The following GABRG1 variants were observed in gnomAD, a reference collection of about 807,000 sequenced individuals.
GABRG1 encodes the protein gamma-aminobutyric acid receptor subunit gamma-1.
A neutral mutation model predicts 49.8 loss-of-function variants in GABRG1; 49 were observed. That is an observed-to-expected ratio of 0.98 (90% CI 0.78 to 1.25). The LOEUF is 1.25. Ranked by LOEUF, GABRG1 falls within the 50% of genes most tolerant of loss-of-function variation. GABRG1 has a pLI of 0.00. For missense variants in GABRG1, 552 were observed against 552.3 expected (o/e 1.00, Z 0.01); for synonymous variants, 232 against 185.1 (o/e 1.25, Z -2.06).
chr4:46,041,286 C>G, intron 8 of GABRG1, 32 bp from the exon 9 acceptor site: 3 of 1,596,876 alleles, frequency 1.9e-6, no homozygotes, highest in Non-Finnish European at 2.6e-6. Flanking sequence ...TTTTTGACAT[C>G]AAAAAAGTAG....
chr4:46,084,775 G>A (rs1028706520), intron 2 of GABRG1, among the ~76,000 whole-genome samples: 9 of 151,498 alleles, frequency 5.9e-5, no homozygotes, highest in Non-Finnish European at 1.2e-4. Context: ...AATTCCATTT[G>A]CTAGCCATCA....
intron 1 of GABRG1, among the ~76,000 whole-genome samples, chr4:46,097,796 A>G (rs1254875325): frequency 6.6e-6 from 1 of 151,734 alleles, no homozygotes; most frequent in Non-Finnish European, 1.5e-5. Flanking sequence ...ATGGATGTGT[A>G]GAAAAGAAGA....
intron 5 of GABRG1, among the ~76,000 whole-genome samples, chr4:46,063,158 GA>G (rs1284190325): frequency 1.3e-5 from 2 of 151,614 alleles, no homozygotes; most frequent in East Asian, 3.9e-4. Flanking sequence ...CACAGAATTG[GA>G]AAAAACTACT....
intron 3 of GABRG1, among the ~76,000 whole-genome samples, chr4:46,067,405 A>C (rs2109410665): frequency 6.6e-6 from 1 of 152,266 alleles, no homozygotes; most frequent in South Asian, 2.1e-4. Context: ...ATATACACTT[A>C]TAATTCTGAA....
chr4:46,083,593 A>T (rs1328991709), intron 3 of GABRG1, among the ~76,000 whole-genome samples: 2 of 151,634 alleles, frequency 1.3e-5, no homozygotes, highest in African/African-American at 4.8e-5. Flanking sequence ...CCCTGATCTT[A>T]TCAGGCTGTT....
intron 3 of GABRG1, among the ~76,000 whole-genome samples, chr4:46,067,770 C>T (rs111598075): frequency 2.0e-5 from 3 of 152,054 alleles, no homozygotes; most frequent in African/African-American, 4.8e-5. Context: ...TAAGGCAAAC[C>T]GCATCCCATA....
intron 7 of GABRG1, among the ~76,000 whole-genome samples, chr4:46,052,265 A>G (rs560502507): frequency 6.7e-6 from 1 of 150,274 alleles, no homozygotes; most frequent in Non-Finnish European, 1.5e-5. Flanking sequence ...TAGACTTCAC[A>G]TAAGCAACAG....
At chr4:46,089,497 T>C (rs912325967) in intron 2 of GABRG1, among the ~76,000 whole-genome samples, 3 of 152,080 alleles carry the variant, frequency 2.0e-5, no homozygotes, top group African/African-American at 7.2e-5. Flanking sequence ...CACTACTCCC[T>C]TTCTTACCAT....
At chr4:46,078,477 A>C (rs906277401) in intron 3 of GABRG1, among the ~76,000 whole-genome samples, 2 of 151,990 alleles carry the variant, frequency 1.3e-5, no homozygotes, top group Non-Finnish European at 1.5e-5. Flanking sequence ...AGAGGGACAG[A>C]GAAAGGGAGG....
intron 3 of GABRG1, among the ~76,000 whole-genome samples, chr4:46,065,957 C>T (rs917146450): frequency 6.6e-6 from 1 of 152,054 alleles, no homozygotes; most frequent in Non-Finnish European, 1.5e-5. Flanking sequence ...CTCCTGACCT[C>T]GTGATCTGCC....
chr4:46,058,092 T>C lies in GABRG1; in HGVS notation c.916+125A>G, dbSNP rs527533442. 100 of 792,142 alleles carry C rather than the reference T, an allele frequency of 1.3e-4. No homozygotes were observed. The African/African-American group carries it at 1.7e-3, about 13-fold the overall frequency. 49.1% of individuals were successfully genotyped at this position (792,142 alleles called of 1,614,324 possible). ...CAACATGGTATTGTCCCTTAGTTCC[T>C]GTCAATTTTTTTCCTGACTGTAGTC... On this transcript the variant is annotated intron_variant, in intron 7 of 8. Transcript: ENST00000295452.
chr4:46,069,577 G>A (rs1182565799), intron 3 of GABRG1, among the ~76,000 whole-genome samples: 1 of 152,086 alleles, frequency 6.6e-6, no homozygotes, highest in Non-Finnish European at 1.5e-5. Flanking sequence ...GAAGTCATCA[G>A]CAATACAGGA....
chr4:46,105,249 G>T (rs1046614241), intron 1 of GABRG1, among the ~76,000 whole-genome samples: 1 of 151,362 alleles, frequency 6.6e-6, no homozygotes, highest in East Asian at 2.0e-4. Context: ...GCAGAGGTGG[G>T]TGGTCTCTAA....
At chr4:46,112,748 C>T (rs1352993442) in intron 1 of GABRG1, among the ~76,000 whole-genome samples, 1 of 151,022 alleles carries the variant, frequency 6.6e-6, no homozygotes, top group African/African-American at 2.4e-5. Flanking sequence ...ATTGGGTGCT[C>T]ATGAACATAA....
At chr4:46,088,764 CA>C (rs1288489711) in intron 2 of GABRG1, among the ~76,000 whole-genome samples, 17 of 150,382 alleles carry the variant, frequency 1.1e-4, no homozygotes, top group Admixed American at 7.3e-4. Context: ...CACACACACA[CA>C]CCCCATATAT....
intron 3 of GABRG1, among the ~76,000 whole-genome samples, chr4:46,073,883 T>C (rs193267612): frequency 1.6e-4 from 25 of 152,270 alleles, no homozygotes; most frequent in African/African-American, 6.0e-4. Context: ...TATCTTACTG[T>C]ACTGTGTTCA....
rs1465699522 is a variant in GABRG1 at position 46,040,485 on chromosome 4, T to C, written c.*503A>G. On this transcript the variant is annotated 3_prime_UTR_variant, in exon 9 of 9. Coordinates refer to ENST00000295452, the MANE Select transcript of GABRG1 (RefSeq NM_173536.4). ...GGGAATACAATATCTTGGAAGAAAA[T>C]CCAAGAAAACTATGGCTTTATGTTA... 6.6e-6 allele frequency: 1 copy of C among 152,328 alleles called. No homozygotes were observed. The allele number at this position is 152,328 out of a possible 1,614,324, so 9.4% of individuals were successfully genotyped here. A position where few individuals can be genotyped will look rare whatever the true frequency, so the allele number is the denominator to read the frequency against.
intron 5 of GABRG1, among the ~76,000 whole-genome samples, chr4:46,059,724 C>T (rs1375103183): frequency 1.3e-5 from 2 of 151,984 alleles, no homozygotes; most frequent in African/African-American, 2.4e-5. Flanking sequence ...CTAGCATATT[C>T]TCTTATCAGC....
intron 1 of GABRG1, among the ~76,000 whole-genome samples, chr4:46,108,592 A>T (rs1720629744): frequency 6.6e-6 from 1 of 150,856 alleles, no homozygotes; most frequent in African/African-American, 2.4e-5. Flanking sequence ...GGAGTCCTTT[A>T]CCACTATCCT....
Sources: gnomAD v4.1 joint callset for allele counts (sites outside exome capture counted in the v4.1 genomes callset) on GRCh38, gnomAD v4.1.1 for gene constraint, MANE v1.5 for transcripts, NCBI Gene and HGNC (gene_info 2026-07-23, HGNC 2026-07-21) for gene names.